The following AMBRA1 variants were observed in gnomAD, a reference collection of about 807,000 sequenced individuals.
AMBRA1 encodes autophagy and beclin 1 regulator 1.
AMBRA1 carries 47 observed loss-of-function variants against 125.4 expected under a neutral mutation model. The ratio of observed to expected loss-of-function variants is 0.37; its 90% CI spans 0.30 to 0.48. The LOEUF is 0.48. AMBRA1 is among the 20% of genes least tolerant of loss of function. The probability of loss-of-function intolerance (pLI) is 0.99; values close to 1 mark genes in which losing one functional copy is unlikely to be tolerated. For missense variants in AMBRA1, 1,331 were observed against 1,693.4 expected, an observed-to-expected ratio of 0.79 and a Z score of 3.76; for synonymous variants, 626 against 655.5, an observed-to-expected ratio of 0.95 and a Z score of 0.69.
intron 9 of AMBRA1, among the ~76,000 whole-genome samples, chr11:46,505,763 A>C (rs1951015626): frequency 6.6e-6 from 1 of 151,906 alleles, no homozygotes; most frequent in African/African-American, 2.4e-5. Flanking sequence ...GGAAGGGGAG[A>C]GAGAGAGGAG....
At chr11:46,541,259 G>A (rs1354797448) in intron 7 of AMBRA1, among the ~76,000 whole-genome samples, 1 of 152,184 alleles carries the variant, frequency 6.6e-6, no homozygotes, top group African/African-American at 2.4e-5. Flanking sequence ...GCCAATCTGA[G>A]TATGGAGAGT....
At chr11:46,535,881 T>C (rs932767503) in intron 7 of AMBRA1, among the ~76,000 whole-genome samples, 11 of 152,140 alleles carry the variant, frequency 7.2e-5, no homozygotes, top group African/African-American at 2.7e-4. Flanking sequence ...AGGACACATA[T>C]TGGCCAGGTG....
chr11:46,473,922 T>C (rs902302822), intron 11 of AMBRA1, among the ~76,000 whole-genome samples: 1 of 152,216 alleles, frequency 6.6e-6, no homozygotes, highest in Admixed American at 6.5e-5. Context: ...AGTGCTGGGA[T>C]TACAGGCGTG....
intron 1 of AMBRA1, among the ~76,000 whole-genome samples, chr11:46,554,021 G>A (rs1370122379): frequency 1.3e-5 from 2 of 152,066 alleles, no homozygotes; most frequent in African/African-American, 2.4e-5. Context: ...CCTGAACCCA[G>A]GGTAGCCCTT....
chr11:46,578,560 TGG>T (rs1381905010), intron 1 of AMBRA1, among the ~76,000 whole-genome samples: 1 of 151,374 alleles, frequency 6.6e-6, no homozygotes, highest in African/African-American at 2.4e-5. Context: ...AATTAGACTC[TGG>T]GCAAAGTATA....
intron 11 of AMBRA1, among the ~76,000 whole-genome samples, chr11:46,470,225 T>G (rs1368935243): frequency 1.3e-5 from 2 of 152,026 alleles, no homozygotes; most frequent in African/African-American, 4.8e-5. Context: ...GAGGATCACT[T>G]GAGCCAGGAG....
chr11:46,579,045 T>TAAAAAA (rs11393945), intron 1 of AMBRA1, among the ~76,000 whole-genome samples: 342 of 67,368 alleles, frequency 5.1e-3, no homozygotes, highest in Middle Eastern at 0.03. Flanking sequence ...AAGAAAGCAA[T>TAAAAAA]AAAAAAAAAA....
intron 1 of AMBRA1, among the ~76,000 whole-genome samples, chr11:46,567,834 G>T (rs979474380): frequency 2.0e-5 from 3 of 152,028 alleles, no homozygotes. Flanking sequence ...CTAGCCTGCC[G>T]TGTGCCAAAC....
intron 17 of AMBRA1, among the ~76,000 whole-genome samples, chr11:46,406,747 T>A (rs1171232392): frequency 6.6e-6 from 1 of 151,650 alleles, no homozygotes; most frequent in Non-Finnish European, 1.5e-5. Flanking sequence ...TTGGGAGTGG[T>A]GGCAGGAGCC....
chr11:46,500,730 AG>A (rs926338199), intron 9 of AMBRA1, among the ~76,000 whole-genome samples: 4 of 152,254 alleles, frequency 2.6e-5, no homozygotes, highest in Admixed American at 1.3e-4. Context: ...CCCTTTATCT[AG>A]AATCTCCTCG....
chr11:46,458,545 T>A (rs764079041), intron 11 of AMBRA1, among the ~76,000 whole-genome samples: 11 of 152,362 alleles, frequency 7.2e-5, no homozygotes, highest in East Asian at 1.9e-4. Context: ...CTTCTTGAGA[T>A]GGTGAACTCC....
intron 14 of AMBRA1, among the ~76,000 whole-genome samples, chr11:46,427,839 T>A (rs890662649): frequency 6.6e-6 from 1 of 151,866 alleles, no homozygotes; most frequent in Non-Finnish European, 1.5e-5. Flanking sequence ...TGAAACCCTG[T>A]CTCTACTAAA....
intron 1 of AMBRA1, among the ~76,000 whole-genome samples, chr11:46,552,648 C>T (rs1225044077): frequency 5.5e-5 from 8 of 146,028 alleles, no homozygotes; most frequent in East Asian, 2.0e-4. Flanking sequence ...CATTGCACTC[C>T]AGCCTGGGCA....
intron 11 of AMBRA1, among the ~76,000 whole-genome samples, chr11:46,468,230 T>C (rs752999953): frequency 6.6e-6 from 1 of 151,584 alleles, no homozygotes; most frequent in Non-Finnish European, 1.5e-5. Flanking sequence ...CAATCACTAA[T>C]ACAAAAAAAA....
chr11:46,414,729 C>T (rs529481642), intron 15 of AMBRA1, among the ~76,000 whole-genome samples: 1 of 152,228 alleles, frequency 6.6e-6, no homozygotes, highest in East Asian at 1.9e-4. Context: ...GAGGAGGGAG[C>T]GCCTCAGTGC....
At chr11:46,407,735 C>G (rs1229950397) in intron 17 of AMBRA1, among the ~76,000 whole-genome samples, 2 of 152,214 alleles carry the variant, frequency 1.3e-5, no homozygotes, top group Admixed American at 1.3e-4. Flanking sequence ...CTTTGCCTGA[C>G]GTGCACCGTG....
intron 9 of AMBRA1, among the ~76,000 whole-genome samples, chr11:46,496,605 C>T (rs1950638658): frequency 6.6e-6 from 1 of 152,132 alleles, no homozygotes; most frequent in African/African-American, 2.4e-5. Flanking sequence ...GAAGCCAGTG[C>T]ACTGGACAGT....
intron 11 of AMBRA1, chr11:46,451,961 A>G: frequency 6.6e-6 from 1 of 152,090 alleles, no homozygotes; most frequent in African/African-American, 2.4e-5. Context: ...AGAGAGGGAA[A>G]GGGGAAGTGA....
chr11:46,415,321 A>G (rs1946488062), intron 15 of AMBRA1, among the ~76,000 whole-genome samples: 1 of 152,242 alleles, frequency 6.6e-6, no homozygotes, highest in Admixed American at 6.5e-5. Context: ...GTCTCAACAC[A>G]ATCTAAAGCT....
Sources: allele counts gnomAD v4.1 joint callset (sites outside exome capture counted in the v4.1 genomes callset), GRCh38; gene constraint gnomAD v4.1.1; transcripts MANE v1.5; gene names NCBI Gene and HGNC (gene_info 2026-07-23, HGNC 2026-07-21).